Variants in VWC2 observed in about 807,000 individuals in gnomAD.
VWC2 encodes the protein brorin.
Under a neutral mutation model 29.8 loss-of-function variants are expected in VWC2, and 14 were observed. The ratio of observed to expected loss-of-function variants is 0.47; its 90% CI spans 0.31 to 0.74. VWC2 has a LOEUF of 0.74. VWC2 is among the 30% of genes least tolerant of loss of function. The pLI is 0.05. For synonymous variants in VWC2, 213 were observed against 199.0 expected (o/e 1.07, Z -0.59); for missense variants, 457 against 459.8 (o/e 0.99, Z 0.05).
chr7:49,902,419 A>G (rs1186575197), intron 3 of VWC2, among the ~76,000 whole-genome samples: 5 of 152,034 alleles, frequency 3.3e-5, no homozygotes, highest in Non-Finnish European at 5.9e-5. Context: ...CAGAACACAG[A>G]AACAGACCCA....
At chr7:49,886,059 G>C (rs1456819306) in intron 3 of VWC2, among the ~76,000 whole-genome samples, 1 of 152,238 alleles carries the variant, frequency 6.6e-6, no homozygotes, top group Non-Finnish European at 1.5e-5. Context: ...GTGTGCAAGA[G>C]CCTGGAGATA....
intron 3 of VWC2, among the ~76,000 whole-genome samples, chr7:49,826,095 T>C (rs1230390932): frequency 6.6e-6 from 1 of 152,208 alleles, no homozygotes; most frequent in East Asian, 1.9e-4. Flanking sequence ...TCATGATTCT[T>C]ACCCTTTGTT....
intron 3 of VWC2, among the ~76,000 whole-genome samples, chr7:49,831,119 TGAA>T (rs1789515966): frequency 6.6e-6 from 1 of 152,184 alleles, no homozygotes; most frequent in African/African-American, 2.4e-5. Context: ...TGGCTTTGGC[TGAA>T]GAAGTGACAA....
At chr7:49,869,661 A>G (rs919011562) in intron 3 of VWC2, among the ~76,000 whole-genome samples, 1 of 152,142 alleles carries the variant, frequency 6.6e-6, no homozygotes, top group Non-Finnish European at 1.5e-5. Context: ...AAATTAAGAA[A>G]CCTGCCAATA....
Position 49,878,662 on chromosome 7 carries a change from T to G in VWC2, c.827-33372T>G, listed in dbSNP as rs556221292. ...ATTAGTTTTTATTTTTCCTCCTGGTTTCTCTTATCTGTGGTTCAATGTCTT... is the reference window on the plus strand; with the variant it reads ...ATTAGTTTTTATTTTTCCTCCTGGTGTCTCTTATCTGTGGTTCAATGTCTT... On this transcript the variant is annotated intron_variant, in intron 3 of 3. Coordinates refer to ENST00000340652, the MANE Select transcript of VWC2 (RefSeq NM_198570.5). Among the ~76,000 whole-genome samples, 14 of 152,292 alleles carry G rather than the reference T, an allele frequency of 9.2e-5. No individual in the cohort carries two copies. In the East Asian group the frequency reaches 2.7e-3, roughly 29 times the overall value.
At chr7:49,779,955 C>G (rs1043843874) in intron 2 of VWC2, among the ~76,000 whole-genome samples, 2 of 152,178 alleles carry the variant, frequency 1.3e-5, no homozygotes, top group African/African-American at 2.4e-5. Flanking sequence ...ACTTAATTAC[C>G]TCGTTAAAGA....
At chr7:49,823,465 ATCT>A (rs1427362518) in intron 3 of VWC2, among the ~76,000 whole-genome samples, 1 of 152,170 alleles carries the variant, frequency 6.6e-6, no homozygotes, top group Non-Finnish European at 1.5e-5. Flanking sequence ...GGAAAATATA[ATCT>A]TCTGTATGGC....
chr7:49,886,167 T>C (rs567409330), intron 3 of VWC2, among the ~76,000 whole-genome samples: 1 of 152,222 alleles, frequency 6.6e-6, no homozygotes, highest in Non-Finnish European at 1.5e-5. Flanking sequence ...CACACTGAAT[T>C]TGGGGCACCA....
rs1469066340 is a variant in VWC2 at position 49,802,760 on chromosome 7, GCA to G, written c.749_750del (p.Thr250SerfsTer17). ...TGTGAAGCCAACGGTGAGGTGCTAT[GCA>G]CAGTGTCAGCGTGTCCCCAGACGGA... On this transcript the variant is annotated frameshift_variant, in exon 3 of 4. Transcript: ENST00000340652. LOFTEE classifies it high-confidence loss of function. 6.2e-7 allele frequency: 1 copy of G among 1,614,142 alleles called. No homozygotes were observed. The highest frequency in any genetic ancestry group is 8.5e-7 in the Non-Finnish European group (1 of 1,180,050).
At position 49,775,842 on chromosome 7, in the gene VWC2, C is replaced by A; in HGVS notation, c.407C>A (p.Ala136Glu). ...AAQDAIGPELAPTPEPPEEYV... is the reference protein window; with the variant it reads ...AAQDAIGPELEPTPEPPEEYV... ...CAGGACGCGATTGGCCCGGAACTCG[C>A]GCCCACGCCCGAGCCACCCGAGGAG... The change falls in exon 2 of 4, where the codon GCG (alanine) becomes GAG (glutamate). Residue 136 changes from alanine (A) to glutamate (E), a missense_variant. This residue lies in a region of VWC2 where 272 missense variants were observed against 202.7 expected (regional missense o/e 1.34). Transcript: ENST00000340652. 1.3e-6 allele frequency: 2 copies of A among 1,550,126 alleles called. No homozygotes were observed. Among genetic ancestry groups the A allele is most frequent in the South Asian group, 1.2e-5 (1 of 84,070 alleles).
intron 2 of VWC2, among the ~76,000 whole-genome samples, chr7:49,789,353 C>CTG (rs139494830): frequency 8.2e-5 from 12 of 145,602 alleles, no homozygotes; most frequent in African/African-American, 1.3e-4. Flanking sequence ...GTATATGTGG[C>CTG]TGTGTGTGTG....
intron 3 of VWC2, among the ~76,000 whole-genome samples, chr7:49,861,184 C>T (rs1047519660): frequency 4.6e-5 from 7 of 152,126 alleles, no homozygotes; most frequent in Non-Finnish European, 1.5e-5. Flanking sequence ...TTTTATTCTT[C>T]GTTATTGCTA....
chr7:49,833,932 A>C (rs1789597290), intron 3 of VWC2, among the ~76,000 whole-genome samples: 1 of 152,220 alleles, frequency 6.6e-6, no homozygotes, highest in African/African-American at 2.4e-5. Context: ...ATCAACTAGA[A>C]AAAAGGAACT....
chr7:49,797,837 T>A (rs1788631657), intron 2 of VWC2, among the ~76,000 whole-genome samples: 1 of 152,214 alleles, frequency 6.6e-6, no homozygotes, highest in Non-Finnish European at 1.5e-5. Context: ...TTTTCTCAAA[T>A]GCCCAACTGT....
rs1272421680 is a variant in VWC2, at chr7:49,918,760, TG to T, written c.*6578del. ...TATTGATGAAGAAGTCAACATATGG[TG>T]GGTAACTTATCCAAATTTCAGTGAT... On this transcript the variant is annotated 3_prime_UTR_variant, in exon 4 of 4. Transcript: ENST00000340652. 6.6e-6 allele frequency: 1 copy of T among 152,216 alleles called. No homozygotes were observed. Among genetic ancestry groups the T allele is most frequent in the African/African-American group, 2.4e-5 (1 of 41,446 alleles). The allele number at this position is 152,216 out of a possible 1,614,324, so 9.4% of individuals were successfully genotyped here.
intron 2 of VWC2, among the ~76,000 whole-genome samples, chr7:49,791,812 A>T (rs1312788777): frequency 6.6e-6 from 1 of 152,208 alleles, no homozygotes; most frequent in African/African-American, 2.4e-5. Context: ...TCTATGATTG[A>T]ACCTCCAGAC....
intron 3 of VWC2, among the ~76,000 whole-genome samples, chr7:49,894,863 A>G (rs1792306732): frequency 6.6e-6 from 1 of 152,208 alleles, no homozygotes; most frequent in Non-Finnish European, 1.5e-5. Flanking sequence ...CCTGGGCTAG[A>G]GTGTGCTGGC....
At chr7:49,822,999 T>C (rs1789299255) in intron 3 of VWC2, among the ~76,000 whole-genome samples, 1 of 152,182 alleles carries the variant, frequency 6.6e-6, no homozygotes, top group Non-Finnish European at 1.5e-5. Context: ...AGAAATATGT[T>C]TATATTTGTC....
At chr7:49,816,974 T>C (rs144947428) in intron 3 of VWC2, among the ~76,000 whole-genome samples, 2 of 152,214 alleles carry the variant, frequency 1.3e-5, no homozygotes, top group Non-Finnish European at 2.9e-5. Context: ...CTCCCTGCCA[T>C]TGGCCCCCTG....
Sources: allele counts gnomAD v4.1 joint callset (sites outside exome capture counted in the v4.1 genomes callset), GRCh38; gene constraint gnomAD v4.1.1; regional missense constraint gnomAD v4.1.1; transcripts MANE v1.5; gene names NCBI Gene and HGNC (gene_info 2026-07-23, HGNC 2026-07-21).